EDIL3: variants seen among roughly 807,000 people sequenced by gnomAD.
The protein encoded by EDIL3 is EGF like and discoidin domains 3.
In EDIL3, 37 loss-of-function variants were observed where a neutral mutation model predicts 67.4. That is an observed-to-expected ratio of 0.55 (90% CI 0.42 to 0.72). EDIL3 has a LOEUF of 0.72. Ranked by LOEUF, EDIL3 falls within the 30% of genes least tolerant of loss-of-function variation. EDIL3 has a pLI of 0.00. For missense variants in EDIL3, 527 were observed against 586.3 expected (o/e 0.90, Z 1.04); for synonymous variants, 195 against 196.3 (o/e 0.99, Z 0.05).
intron 1 of EDIL3, among the ~76,000 whole-genome samples, chr5:84,317,625 C>A (rs1014076652): frequency 2.6e-5 from 4 of 151,880 alleles, no homozygotes; most frequent in Non-Finnish European, 1.5e-5. Context: ...CAAAAAAAGT[C>A]CAGGACCAGA....
At chr5:84,178,777 G>C (rs1748965032) in intron 4 of EDIL3, among the ~76,000 whole-genome samples, 1 of 152,148 alleles carries the variant, frequency 6.6e-6, no homozygotes. Flanking sequence ...ATGCAATGCA[G>C]AAAATAGGGA....
At chr5:84,099,077 A>C (rs933098489) in intron 6 of EDIL3, among the ~76,000 whole-genome samples, 2 of 152,100 alleles carry the variant, frequency 1.3e-5, no homozygotes, top group African/African-American at 2.4e-5. Flanking sequence ...AGAACTACAA[A>C]CCACTCCTCA....
At chr5:84,209,099 A>G (rs542616852) in intron 3 of EDIL3, among the ~76,000 whole-genome samples, 1,576 of 152,192 alleles carry the variant, frequency 0.01, 33 homozygotes, top group African/African-American at 0.036. Context: ...ATTGGAAATC[A>G]TCATTCTCAG....
rs1554038574 is a variant in EDIL3, at chr5:84,256,119, A to ACTATCTATCTAT, written c.68-1919_68-1908dup. 8.2e-3 allele frequency among the ~76,000 whole-genome samples: 1,212 copies of ACTATCTATCTAT among 147,094 alleles called. 13 individuals carry two copies. Among genetic ancestry groups the ACTATCTATCTAT allele is most frequent in the African/African-American group, 0.021 (844 of 39,412 alleles). ...CTATCATTTATATACTTATCATCTA[A>ACTATCTATCTAT]CTATCTATCTATCTATCTATCTATC... On this transcript the variant is annotated intron_variant, in intron 1 of 10. Transcript: ENST00000296591.
At chr5:84,374,051 A>C (rs1001179329) in intron 1 of EDIL3, among the ~76,000 whole-genome samples, 1 of 152,196 alleles carries the variant, frequency 6.6e-6, no homozygotes, top group Non-Finnish European at 1.5e-5. Flanking sequence ...GAAGTAAAGC[A>C]TGTTATGAAG....
At chr5:84,268,347 C>G (rs1745392198) in intron 1 of EDIL3, among the ~76,000 whole-genome samples, 1 of 152,076 alleles carries the variant, frequency 6.6e-6, no homozygotes, top group South Asian at 2.1e-4. Context: ...TGCATTCTTT[C>G]TGCAAACACC....
intron 1 of EDIL3, among the ~76,000 whole-genome samples, chr5:84,312,210 C>T (rs1388282911): frequency 1.2e-4 from 16 of 137,286 alleles, no homozygotes; most frequent in Non-Finnish European, 1.8e-4. Flanking sequence ...CCTCCCTCCC[C>T]GACGGGGCGG....
At chr5:84,229,683 C>A (rs367958114) in intron 3 of EDIL3, among the ~76,000 whole-genome samples, 172 bp downstream of exon 3, 78 of 152,242 alleles carry the variant, frequency 5.1e-4, no homozygotes, top group African/African-American at 1.8e-3. Flanking sequence ...TAACCAACAT[C>A]ATTTAGTCTG....
At position 84,009,432 on chromosome 5, in the gene EDIL3, C is replaced by A. The variant is rs116062989; in HGVS notation, c.1138-46072G>T. On this transcript the variant is annotated intron_variant, in intron 9 of 10. Transcript: ENST00000296591. ...CTGCAATATGACAAAATGGTATTTT[C>A]ACTCCCTGGGACTTAGTAAGCCTTT... Among the ~76,000 whole-genome samples, 791 of 152,158 alleles carry A rather than the reference C, an allele frequency of 5.2e-3. 4 individuals carry two copies. Among genetic ancestry groups the A allele is most frequent in the African/African-American group, 0.018 (734 of 41,504 alleles).
At chr5:84,137,978 T>A (rs1748125172) in intron 4 of EDIL3, among the ~76,000 whole-genome samples, 1 of 152,236 alleles carries the variant, frequency 6.6e-6, no homozygotes, top group Non-Finnish European at 1.5e-5. Context: ...TACTATTACA[T>A]CTGATGCAAA....
intron 1 of EDIL3, among the ~76,000 whole-genome samples, chr5:84,377,622 C>T (rs1008945773): frequency 6.6e-6 from 1 of 152,154 alleles, no homozygotes; most frequent in Admixed American, 6.5e-5. Context: ...ATACCAAGCA[C>T]AAACCTTAAG....
intron 9 of EDIL3, among the ~76,000 whole-genome samples, chr5:84,005,703 C>T (rs887617632): frequency 6.6e-6 from 1 of 152,004 alleles, no homozygotes; most frequent in African/African-American, 2.4e-5. Context: ...ATGACAAACC[C>T]ATATCCAATA....
intron 4 of EDIL3, among the ~76,000 whole-genome samples, chr5:84,157,234 C>G (rs1279045403): frequency 2.0e-5 from 3 of 151,798 alleles, no homozygotes; most frequent in East Asian, 3.9e-4. Context: ...AGGCTTAATA[C>G]CAGGGTGATG....
chr5:84,200,801 C>T (rs538810774), intron 3 of EDIL3, among the ~76,000 whole-genome samples: 6 of 151,898 alleles, frequency 4.0e-5, no homozygotes, highest in East Asian at 1.9e-4. Flanking sequence ...TTCTTTGGAA[C>T]GCATTGGCAT....
Position 84,258,970 on chromosome 5 carries a change from C to CTTTTTTT in EDIL3, c.68-4765_68-4759dup, listed in dbSNP as rs144344642. On this transcript the variant is annotated intron_variant, in intron 1 of 10. Coordinates refer to ENST00000296591, the MANE Select transcript of EDIL3 (RefSeq NM_005711.5). Reference sequence around the variant, plus strand: ...TTCCCAGTGGATATGTTCGTAGAGTCTTTTTTTTTTTTTTTTTTTTTTGAG... The same window carrying CTTTTTTT: ...TTCCCAGTGGATATGTTCGTAGAGTCTTTTTTTTTTTTTTTTTTTTTTTTTTTTTGAG... Among the ~76,000 whole-genome samples, 2 of 77,930 alleles carry CTTTTTTT rather than the reference C, an allele frequency of 2.6e-5. 1 individual carries two copies. Among genetic ancestry groups the CTTTTTTT allele is most frequent in the African/African-American group, 1.1e-4 (2 of 18,058 alleles). 51.1% of individuals were successfully genotyped at this position (77,930 alleles called of 152,430 possible).
At chr5:83,973,832 G>C (rs1744830960) in intron 9 of EDIL3, among the ~76,000 whole-genome samples, 2 of 151,888 alleles carry the variant, frequency 1.3e-5, no homozygotes, top group African/African-American at 4.8e-5. Context: ...TTGTGGTTTT[G>C]ACCATTAAAA....
chr5:84,333,132 T>TA (rs553283985), intron 1 of EDIL3, among the ~76,000 whole-genome samples: 222 of 152,274 alleles, frequency 1.5e-3, no homozygotes, highest in African/African-American at 5.1e-3. Flanking sequence ...GTATAATTTT[T>TA]AGAGTCGGAC....
chr5:84,088,689 T>G (rs959413254), intron 6 of EDIL3, among the ~76,000 whole-genome samples: 3 of 152,122 alleles, frequency 2.0e-5, no homozygotes, highest in Non-Finnish European at 4.4e-5. Flanking sequence ...AAGTATATAA[T>G]AGAAGCAAGA....
In EDIL3 at chr5:84,262,821, C is replaced by T. The variant is rs867460591; in HGVS notation, c.68-8609G>A. Among the ~76,000 whole-genome samples, 5 of 151,550 alleles carry T rather than the reference C, an allele frequency of 3.3e-5. No individual in the cohort carries two copies. The South Asian group carries it at 8.4e-4, about 25-fold the overall frequency. On this transcript the variant is annotated intron_variant, in intron 1 of 10. Coordinates refer to ENST00000296591, the MANE Select transcript of EDIL3 (RefSeq NM_005711.5). Reference sequence around the variant, plus strand: ...GACTAGCTGGGATTACAGGCATGTGCCTTTATGCTCAGCTAATTTTTTGTA... The same window carrying T: ...GACTAGCTGGGATTACAGGCATGTGTCTTTATGCTCAGCTAATTTTTTGTA...
Sources: allele counts gnomAD v4.1 joint callset (sites outside exome capture counted in the v4.1 genomes callset), GRCh38; gene constraint gnomAD v4.1.1; transcripts MANE v1.5; gene names NCBI Gene and HGNC (gene_info 2026-07-23, HGNC 2026-07-21).